IFFO2: variants seen among roughly 807,000 people sequenced by gnomAD.
The protein encoded by IFFO2 is intermediate filament family orphan 2.
IFFO2 carries 19 observed loss-of-function variants against 53.5 expected under a neutral mutation model. The ratio of observed to expected loss-of-function variants is 0.36; its 90% confidence interval spans 0.25 to 0.52. The LOEUF is 0.52. Among genes scored for constraint, IFFO2 ranks in the 20% least tolerant of loss-of-function variants. The pLI, the probability that IFFO2 is intolerant of heterozygous loss-of-function variation, is 0.94. For synonymous variants in IFFO2, 303 were observed against 313.6 expected, an observed-to-expected ratio of 0.97 and a Z score of 0.36; for missense variants, 570 against 727.4, an observed-to-expected ratio of 0.78 and a Z score of 2.49.
At chr1:18,932,956 C>T (rs751649584) in intron 1 of IFFO2, among the ~76,000 whole-genome samples, 50 of 152,234 alleles carry the variant, frequency 3.3e-4, no homozygotes, top group Middle Eastern at 3.2e-3. Flanking sequence ...TCTGGAGACA[C>T]CCAGGCCCGG....
At chr1:18,932,734 T>C (rs2148179434) in intron 1 of IFFO2, among the ~76,000 whole-genome samples, 1 of 152,312 alleles carries the variant, frequency 6.6e-6, no homozygotes, top group Non-Finnish European at 1.5e-5. Flanking sequence ...GGAGGGCAGT[T>C]CCTCTGTGTA....
At chr1:18,914,120 C>T (rs960693076) in intron 5 of IFFO2, among the ~76,000 whole-genome samples, 6 of 152,190 alleles carry the variant, frequency 3.9e-5, no homozygotes, top group Non-Finnish European at 7.3e-5. Context: ...CGTGAGCCAC[C>T]GCGCCCGGCC....
chr1:18,947,516 T>C lies in IFFO2; in HGVS notation c.665+8152A>G, dbSNP rs948217191. ...TACAGCACAGGATAAAGGTTGGATC[T>C]GGAGCCTGACTTCCAAGTTACTTCT... On this transcript the variant is annotated intron_variant, in intron 1 of 8. Transcript: ENST00000455833. This position sits in a 1 kb window ranked among gnomAD's most constrained non-coding sequence, Gnocchi z 5.0. Among the ~76,000 whole-genome samples, 1 of 152,232 alleles carries C rather than the reference T, an allele frequency of 6.6e-6. No homozygotes were observed. Among genetic ancestry groups the C allele is most frequent in the East Asian group, 1.9e-4 (1 of 5,194 alleles).
At chr1:18,946,385 G>A (rs544018960) in intron 1 of IFFO2, among the ~76,000 whole-genome samples, 2 of 151,534 alleles carry the variant, frequency 1.3e-5, no homozygotes, top group African/African-American at 4.8e-5. Flanking sequence ...GACTTCCTGC[G>A]GTCAGATCTG....
intron 1 of IFFO2, among the ~76,000 whole-genome samples, chr1:18,952,777 T>G (rs999606529): frequency 6.6e-6 from 1 of 152,224 alleles, no homozygotes; most frequent in Non-Finnish European, 1.5e-5. Context: ...GGGATTGTGG[T>G]AATGACTGCA....
intron 7 of IFFO2, 27 bp from the exon 8 acceptor site, chr1:18,910,499 G>A (rs1413139841): frequency 1.3e-6 from 2 of 1,595,184 alleles, no homozygotes; most frequent in Admixed American, 1.8e-5. Flanking sequence ...AGGAATAAGG[G>A]TGAGGGCAAG....
intron 1 of IFFO2, among the ~76,000 whole-genome samples, chr1:18,925,381 T>A (rs1255311590): frequency 6.6e-6 from 1 of 152,232 alleles, no homozygotes; most frequent in Non-Finnish European, 1.5e-5. Context: ...CAGGATCTCC[T>A]CTTCCCCAGT....
intron 1 of IFFO2, among the ~76,000 whole-genome samples, chr1:18,955,037 G>A (rs1936705848): frequency 6.6e-6 from 1 of 152,210 alleles, no homozygotes; most frequent in South Asian, 2.1e-4. Context: ...TACAGAGCTG[G>A]AGCAAGACGG....
At chr1:18,926,580 C>A (rs1210408945) in intron 1 of IFFO2, among the ~76,000 whole-genome samples, 1 of 152,172 alleles carries the variant, frequency 6.6e-6, no homozygotes, top group Non-Finnish European at 1.5e-5. Context: ...CAGCACCACC[C>A]CAGCCAGATG....
chr1:18,927,194 C>T (rs752202609), intron 1 of IFFO2, among the ~76,000 whole-genome samples: 2 of 152,182 alleles, frequency 1.3e-5, no homozygotes, highest in South Asian at 2.1e-4. Flanking sequence ...AGCAGCTCCA[C>T]GTCAACGGCA....
intron 7 of IFFO2, 76 bp from the exon 8 acceptor site, chr1:18,910,548 G>A (rs1282234468): frequency 7.2e-6 from 11 of 1,517,690 alleles, no homozygotes; most frequent in Non-Finnish European, 9.8e-6. Flanking sequence ...CTCTCCTCCT[G>A]GATTCCTCAG....
At position 18,916,841 on chromosome 1, in the gene IFFO2, TCA is replaced by T. The variant is rs1328268642; in HGVS notation, c.1103+60_1103+61del. On this transcript the variant is annotated intron_variant, in intron 5 of 8. Transcript: ENST00000455833. This position sits in a 1 kb window ranked among gnomAD's most constrained non-coding sequence, Gnocchi z 4.3. Reference sequence around the variant, plus strand: ...GCTACTCTCAGCCCAAGCCTCCCATTCACCGCCCCTGTGCAAGCAATCCGGGG... The same window carrying T: ...GCTACTCTCAGCCCAAGCCTCCCATTCCGCCCCTGTGCAAGCAATCCGGGG... The T allele has an allele frequency of 2.0e-6, 3 of 1,534,134 alleles. No individual in the cohort carries two copies. The African/African-American group carries it at 4.1e-5, about 21-fold the overall frequency.
chr1:18,909,577 GAGTT>G (rs1302784860), intron 8 of IFFO2, among the ~76,000 whole-genome samples: 1 of 152,158 alleles, frequency 6.6e-6, no homozygotes, highest in African/African-American at 2.4e-5. Flanking sequence ...TTGTGATAGG[GAGTT>G]AGTTCTCACG....
intron 1 of IFFO2, among the ~76,000 whole-genome samples, chr1:18,953,225 C>G (rs115983706): frequency 6.6e-6 from 1 of 152,152 alleles, no homozygotes; most frequent in Non-Finnish European, 1.5e-5. Context: ...GGATCAGAAG[C>G]GGGCTGGGAG....
At chr1:18,937,312 C>T (rs1231338406) in intron 1 of IFFO2, among the ~76,000 whole-genome samples, 2 of 152,188 alleles carry the variant, frequency 1.3e-5, no homozygotes, top group African/African-American at 4.8e-5. Context: ...CAGGTTCCAG[C>T]GCAGCTGAGG....
intron 1 of IFFO2, among the ~76,000 whole-genome samples, chr1:18,940,706 T>G (rs1486987524): frequency 6.6e-6 from 1 of 152,158 alleles, no homozygotes; most frequent in African/African-American, 2.4e-5. Flanking sequence ...GGGATGACTC[T>G]TTACACCTGC....
At chr1:18,913,747 G>A (rs28503950) in intron 5 of IFFO2, among the ~76,000 whole-genome samples, 18,187 of 152,258 alleles carry the variant, frequency 0.12, 1,464 homozygotes, top group South Asian at 0.28. Context: ...GGGTCAGGGC[G>A]GCCCACACAG....
At chr1:18,930,210 C>T (rs1243828418) in intron 1 of IFFO2, among the ~76,000 whole-genome samples, 1 of 152,196 alleles carries the variant, frequency 6.6e-6, no homozygotes, top group African/African-American at 2.4e-5. Context: ...CAGAATAGTG[C>T]CTGGTCTACC....
chr1:18,935,669 A>G (rs960068122), intron 1 of IFFO2, among the ~76,000 whole-genome samples: 1 of 147,452 alleles, frequency 6.8e-6, no homozygotes. Context: ...CCTCTGCTTA[A>G]CTCATCTTTC....
Sources: allele counts gnomAD v4.1 joint callset (sites outside exome capture counted in the v4.1 genomes callset), GRCh38; gene constraint gnomAD v4.1.1; non-coding constraint Gnocchi (gnomAD v3.1); transcripts MANE v1.5; gene names NCBI Gene and HGNC (gene_info 2026-07-23, HGNC 2026-07-21).